The following CA12 variants were observed in gnomAD, a reference collection of about 807,000 sequenced individuals.
The protein encoded by CA12 is carbonate dehydratase XII.
A neutral mutation model predicts 46.8 loss-of-function variants in CA12; 36 were observed. The observed-to-expected ratio is 0.77, with a 90% CI of 0.59 to 1.02. CA12 has a LOEUF of 1.02. Ranked by LOEUF, CA12 falls within the 50% of genes least tolerant of loss-of-function variation. The probability of loss-of-function intolerance (pLI) is 0.00; values close to 1 mark genes in which losing one functional copy is unlikely to be tolerated. For synonymous variants in CA12, 202 were observed against 187.0 expected, an observed-to-expected ratio of 1.08 and a Z score of -0.65; for missense variants, 436 against 451.4, an observed-to-expected ratio of 0.97 and a Z score of 0.31.
chr15:63,356,381 T>A (rs1401979447), intron 2 of CA12, among the ~76,000 whole-genome samples: 1 of 152,136 alleles, frequency 6.6e-6, no homozygotes, highest in African/African-American at 2.4e-5. Flanking sequence ...TGACAGAGCA[T>A]CTCAAATAAA....
In CA12 at chr15:63,378,132, A is replaced by C. The variant is rs969533950; in HGVS notation, c.86-2454T>G. ...GCTGGGTACGGTGGCTCACCCCTGT[A>C]ATCCCAGCACTTTGGAAGACCAAGA... is the stretch of plus-strand genomic sequence containing the variant. On this transcript the variant is annotated intron_variant, in intron 1 of 10. Transcript: ENST00000178638. The surrounding 1 kb of genome is among the most constrained non-coding windows in gnomAD (Gnocchi z 4.8). Among the ~76,000 whole-genome samples the C allele has an allele frequency of 6.6e-6, 1 of 152,170 alleles. No individual in the cohort carries two copies. Among genetic ancestry groups the C allele is most frequent in the African/African-American group, 2.4e-5 (1 of 41,434 alleles).
rs2038882888 is a variant in CA12 at position 63,327,495 on chromosome 15, G to A, written c.908-262C>T. On this transcript the variant is annotated intron_variant, in intron 9 of 10. Transcript: ENST00000178638. The surrounding 1 kb of genome is among the most constrained non-coding windows in gnomAD (Gnocchi z 4.5). ...GTCATCTGAAGAGCTTGTTTAAAAT[G>A]TAGGGTTTTTTTTTTTTTTTTAGCC... is the stretch of plus-strand genomic sequence containing the variant. Among the ~76,000 whole-genome samples, 1 of 144,402 alleles carries A rather than the reference G, an allele frequency of 6.9e-6. No homozygotes were observed. Among genetic ancestry groups the A allele is most frequent in the Non-Finnish European group, 1.5e-5 (1 of 66,086 alleles). The allele number at this position is 144,402 out of a possible 152,430, so 94.7% of individuals were successfully genotyped here.
rs535054675 is a variant in CA12 at position 63,329,232 on chromosome 15, C to A, written c.875-1102G>T. Among the ~76,000 whole-genome samples, 32 of 152,350 alleles carry A rather than the reference C, an allele frequency of 2.1e-4. No homozygotes were observed. The highest frequency in any genetic ancestry group is 3.3e-4 in the Admixed American group (5 of 15,310). ...CCTTCACCACATCAGCCCCACTTCT[C>A]TGCTCCATGGAACCAGGGTATTACG... On this transcript the variant is annotated intron_variant, in intron 8 of 10. Coordinates refer to ENST00000178638, the MANE Select transcript of CA12 (RefSeq NM_001218.5). This position sits in a 1 kb window ranked among gnomAD's most constrained non-coding sequence, Gnocchi z 4.8.
rs1340301947 is a variant in CA12 at position 63,328,528 on chromosome 15, GT to G, written c.875-399del. Among the ~76,000 whole-genome samples the G allele has an allele frequency of 6.6e-6, 1 of 152,020 alleles. No individual in the cohort carries two copies. The highest frequency in any genetic ancestry group is 1.5e-5 in the Non-Finnish European group (1 of 67,998). ...TTTTTGGATTTTTAGTAGAGACAGG[GT>G]TTCACCATCTTGGCCAGGCTGGTCT... On this transcript the variant is annotated intron_variant, in intron 8 of 10. Transcript: ENST00000178638. This position sits in a 1 kb window ranked among gnomAD's most constrained non-coding sequence, Gnocchi z 5.9.
At chr15:63,364,891 G>A (rs2039418896) in intron 2 of CA12, among the ~76,000 whole-genome samples, 1 of 152,240 alleles carries the variant, frequency 6.6e-6, no homozygotes, top group Non-Finnish European at 1.5e-5. Flanking sequence ...GCCCTGTGCT[G>A]CTGACAGCAA....
chr15:63,377,654 A>G (rs558600886), intron 1 of CA12, among the ~76,000 whole-genome samples: 18 of 152,340 alleles, frequency 1.2e-4, no homozygotes, highest in African/African-American at 3.4e-4. Flanking sequence ...GCTGTGTAAC[A>G]AAAACCTCAG....
intron 1 of CA12, 129 bp from the exon 2 acceptor site, chr15:63,375,807 T>A: frequency 1.4e-6 from 1 of 704,654 alleles, no homozygotes; most frequent in African/African-American, 1.8e-5. Context: ...AACTTTTTCT[T>A]TTTCTTTTTT....
intron 2 of CA12, among the ~76,000 whole-genome samples, chr15:63,370,738 A>T (rs929025655): frequency 6.6e-5 from 10 of 151,300 alleles, no homozygotes; most frequent in African/African-American, 2.4e-4. Context: ...GCACCACTGC[A>T]CTCCAGTCTG....
chr15:63,376,557 C>CCTTCCTTTCTTTCTTTCTTTCTTT (rs1555432625), intron 1 of CA12, among the ~76,000 whole-genome samples: 19 of 104,620 alleles, frequency 1.8e-4, no homozygotes, highest in East Asian at 2.9e-4. Flanking sequence ...CTCTTTCTTT[C>CCTTCCTTTCTTTCTTTCTTTCTTT]CTTTCTTTCT....
chr15:63,333,859 A>C (rs1203143364), intron 8 of CA12, among the ~76,000 whole-genome samples: 1 of 152,186 alleles, frequency 6.6e-6, no homozygotes, highest in Non-Finnish European at 1.5e-5. Context: ...GAGCAAGCCC[A>C]CTAATGATGT....
rs2039285322 is a variant in CA12 at position 63,355,636 on chromosome 15, CAACA to C, written c.107-8931_107-8928del. On this transcript the variant is annotated intron_variant, in intron 2 of 10. Transcript: ENST00000178638. The surrounding 1 kb of genome is among the most constrained non-coding windows in gnomAD (Gnocchi z 4.1). ...GCAGAGCCTGGCACACTGAAGTGTTCAACAAACAGCTCTTGAACTAAGCAACAAA... is the reference window on the plus strand; with the variant it reads ...GCAGAGCCTGGCACACTGAAGTGTTCAACAGCTCTTGAACTAAGCAACAAA... Among the ~76,000 whole-genome samples, 1 of 152,178 alleles carries C rather than the reference CAACA, an allele frequency of 6.6e-6. No homozygotes were observed. Among genetic ancestry groups the C allele is most frequent in the Admixed American group, 6.5e-5 (1 of 15,284 alleles).
intron 2 of CA12, among the ~76,000 whole-genome samples, chr15:63,356,667 T>C (rs1184333462): frequency 2.0e-5 from 3 of 151,970 alleles, no homozygotes; most frequent in Non-Finnish European, 4.4e-5. Flanking sequence ...GGATTACAGA[T>C]GCACATCACC....
intron 2 of CA12, among the ~76,000 whole-genome samples, chr15:63,368,384 G>C (rs1033660900): frequency 6.6e-6 from 1 of 152,200 alleles, no homozygotes; most frequent in Non-Finnish European, 1.5e-5. Context: ...CGAAGGAAGA[G>C]AGTAACAGGC....
At chr15:63,376,098 C>T (rs1251639625) in intron 1 of CA12, among the ~76,000 whole-genome samples, 2 of 152,294 alleles carry the variant, frequency 1.3e-5, no homozygotes, top group African/African-American at 2.4e-5. Context: ...CGTGAGCCAC[C>T]ATGCCCGGCC....
intron 2 of CA12, among the ~76,000 whole-genome samples, chr15:63,371,002 T>C (rs1214273547): frequency 6.6e-6 from 1 of 152,160 alleles, no homozygotes; most frequent in African/African-American, 2.4e-5. Flanking sequence ...GAGCTCTCAC[T>C]GCAGCCTGCT....
chr15:63,337,386 C>T (rs1368548846), intron 8 of CA12, among the ~76,000 whole-genome samples: 1 of 152,100 alleles, frequency 6.6e-6, no homozygotes, highest in African/African-American at 2.4e-5. Context: ...GAAAGGAACC[C>T]AAAAAAGTGC....
rs921124381 is a variant in CA12, at chr15:63,355,071, C to A, written c.107-8362G>T. Among the ~76,000 whole-genome samples the A allele has an allele frequency of 6.6e-6, 1 of 152,024 alleles. No homozygotes were observed. The highest frequency in any genetic ancestry group is 2.4e-5 in the African/African-American group (1 of 41,430). On this transcript the variant is annotated intron_variant, in intron 2 of 10. Coordinates refer to ENST00000178638, the MANE Select transcript of CA12 (RefSeq NM_001218.5). This position sits in a 1 kb window ranked among gnomAD's most constrained non-coding sequence, Gnocchi z 4.1. The stretch of plus-strand genomic sequence containing the variant: ...TTGCTTTTGCTTCTCCATTTCTAAC[C>A]TCCTCTTAGGTTCTCATGACCTGTG...
At position 63,374,205 on chromosome 15, in the gene CA12, C is replaced by T. The variant is rs1308431042; in HGVS notation, c.106+1453G>A. Among the ~76,000 whole-genome samples the T allele has an allele frequency of 2.0e-5, 3 of 152,112 alleles. No homozygotes were observed. Among genetic ancestry groups the T allele is most frequent in the African/African-American group, 7.2e-5 (3 of 41,398 alleles). The stretch of plus-strand genomic sequence containing the variant: ...CCAGCCTATCTCTCTGACCTTAGAG[C>T]CCGTGACTCCGCTATCAACCCTTCT... On this transcript the variant is annotated intron_variant, in intron 2 of 10. Coordinates refer to ENST00000178638, the MANE Select transcript of CA12 (RefSeq NM_001218.5). The surrounding 1 kb of genome is among the most constrained non-coding windows in gnomAD (Gnocchi z 4.4).
In CA12 at chr15:63,359,567, C is replaced by A. The variant is rs1595787561; in HGVS notation, c.107-12858G>T. On this transcript the variant is annotated intron_variant, in intron 2 of 10. Transcript: ENST00000178638. Reference sequence around the variant, plus strand: ...TATATATACACATGCAACCTCACTCCCGTCATGAGAAACCCTCAGACAAAT... The same window carrying A: ...TATATATACACATGCAACCTCACTCACGTCATGAGAAACCCTCAGACAAAT... Among the ~76,000 whole-genome samples the A allele has an allele frequency of 2.6e-5, 4 of 152,192 alleles. 1 individual carries two copies. Among genetic ancestry groups the A allele is most frequent in the Admixed American group, 2.6e-4 (4 of 15,268 alleles).
Sources: gnomAD v4.1 joint callset for allele counts (sites outside exome capture counted in the v4.1 genomes callset) on GRCh38, gnomAD v4.1.1 for gene constraint, Gnocchi (gnomAD v3.1) non-coding constraint, MANE v1.5 for transcripts, NCBI Gene and HGNC (gene_info 2026-07-23, HGNC 2026-07-21) for gene names.